GRIK3: variants seen among roughly 807,000 people sequenced by gnomAD.
GRIK3 encodes the protein glutamate receptor ionotropic, kainate 3.
Under a neutral mutation model 102.5 loss-of-function variants are expected in GRIK3, and 29 were observed. The observed-to-expected ratio is 0.28, with a 90% CI of 0.21 to 0.39. The LOEUF is 0.39. GRIK3 is among the 10% of genes least tolerant of loss of function. GRIK3 has a pLI of 1.00. For missense variants in GRIK3, 908 were observed against 1,252.4 expected (o/e 0.73, Z 4.15); for synonymous variants, 511 against 504.9 (o/e 1.01, Z -0.16).
rs142434345 is a variant in GRIK3 at position 36,961,211 on chromosome 1, A to G, written c.116-70115T>C. Among the ~76,000 whole-genome samples the G allele has an allele frequency of 6.5e-3, 994 of 152,186 alleles. 13 individuals are homozygous for G. The highest frequency in any genetic ancestry group is 0.023 in the African/African-American group (948 of 41,528). On this transcript the variant is annotated intron_variant, in intron 1 of 15. Transcript: ENST00000373091. ...TGTGCACACACCCACATCCTCACTC[A>G]GCCGCCTGCCCTCAAGCACCCACCA...
At chr1:36,966,042 C>T (rs146186532) in intron 1 of GRIK3, among the ~76,000 whole-genome samples, 1,915 of 152,306 alleles carry the variant, frequency 0.013, 17 homozygotes, top group Non-Finnish European at 0.02. Flanking sequence ...CTTCTTAGCC[C>T]CACCCGTGAC....
chr1:37,006,282 G>A (rs1176049252), intron 1 of GRIK3, among the ~76,000 whole-genome samples: 1 of 152,224 alleles, frequency 6.6e-6, no homozygotes, highest in Non-Finnish European at 1.5e-5. Flanking sequence ...CTGCCCTCCA[G>A]GCCTTAGCCC....
intron 1 of GRIK3, among the ~76,000 whole-genome samples, chr1:37,032,061 A>G (rs1048660629): frequency 3.3e-5 from 5 of 152,198 alleles, no homozygotes; most frequent in Non-Finnish European, 7.4e-5. Context: ...GCTTAATACG[A>G]AGAAGATTAG....
chr1:36,993,829 G>A (rs1380313990), intron 1 of GRIK3, among the ~76,000 whole-genome samples: 2 of 152,166 alleles, frequency 1.3e-5, no homozygotes, highest in African/African-American at 4.8e-5. Flanking sequence ...TACAGGCCTG[G>A]CCCTCTTGCC....
chr1:37,017,369 T>TAAAAAAAAAAAAAA (rs774819790), intron 1 of GRIK3, among the ~76,000 whole-genome samples: 2 of 48,522 alleles, frequency 4.1e-5, no homozygotes, highest in African/African-American at 2.0e-4. Flanking sequence ...CCCTGTCTCT[T>TAAAAAAAAAAAAAA]AAAAAAAAAA....
intron 1 of GRIK3, among the ~76,000 whole-genome samples, chr1:36,907,603 G>A (rs1641297985): frequency 6.6e-6 from 1 of 152,120 alleles, no homozygotes. Flanking sequence ...GGAGACAGAA[G>A]ACTCAGCAGA....
At chr1:37,004,444 C>T (rs937831967) in intron 1 of GRIK3, among the ~76,000 whole-genome samples, 31 of 152,186 alleles carry the variant, frequency 2.0e-4, no homozygotes, top group African/African-American at 7.2e-4. Flanking sequence ...AATTGAGCTT[C>T]GGGTTGTGGA....
At chr1:37,003,001 A>G (rs1162655570) in intron 1 of GRIK3, among the ~76,000 whole-genome samples, 1 of 145,294 alleles carries the variant, frequency 6.9e-6, no homozygotes, top group African/African-American at 2.6e-5. Context: ...TTTTAAAATA[A>G]AGGGTTAATA....
intron 1 of GRIK3, among the ~76,000 whole-genome samples, chr1:37,009,578 G>T (rs912644890): frequency 2.6e-5 from 4 of 152,214 alleles, no homozygotes; most frequent in Non-Finnish European, 4.4e-5. Flanking sequence ...TGAAACGGCA[G>T]TGTGTATGGC....
At chr1:36,869,666 G>C (rs115841223) in intron 5 of GRIK3, 82 bp downstream of exon 5, 4 of 1,066,270 alleles carry the variant, frequency 3.8e-6, no homozygotes, top group Non-Finnish European at 5.9e-6. Context: ...GTCTTCAGTG[G>C]GCTGGCCCAG....
chr1:36,890,830 T>A, intron 2 of GRIK3, 90 bp downstream of exon 2: 1 of 1,041,742 alleles, frequency 9.6e-7, no homozygotes, highest in African/African-American at 1.6e-5. Context: ...TACTTGGAGC[T>A]CTGGCCCATT....
chr1:36,810,026 C>A (rs1326091297), intron 13 of GRIK3, among the ~76,000 whole-genome samples: 1 of 152,120 alleles, frequency 6.6e-6, no homozygotes, highest in African/African-American at 2.4e-5. Context: ...TGTCTTGGGG[C>A]CCCCCTTCTC....
At chr1:36,963,055 T>TGGAAGGGGGAGGAGAAGGAAGGAC (rs1642032719) in intron 1 of GRIK3, among the ~76,000 whole-genome samples, 2 of 151,522 alleles carry the variant, frequency 1.3e-5, no homozygotes, top group African/African-American at 4.9e-5. Context: ...GAGAGGAACT[T>TGGAAGGGGGAGGAGAAGGAAGGAC]GGAAGGGGGA....
chr1:36,834,343 C>T (rs970888308), intron 10 of GRIK3, among the ~76,000 whole-genome samples: 18 of 152,028 alleles, frequency 1.2e-4, no homozygotes, highest in Non-Finnish European at 2.5e-4. Flanking sequence ...GAGCAGGGGT[C>T]GGGGGATAAC....
At chr1:36,975,450 A>T (rs561877810) in intron 1 of GRIK3, among the ~76,000 whole-genome samples, 1 of 152,062 alleles carries the variant, frequency 6.6e-6, no homozygotes, top group Non-Finnish European at 1.5e-5. Context: ...GCATGCCACC[A>T]TGCCCAGCTG....
chr1:37,015,048 G>A (rs1262760126), intron 1 of GRIK3, among the ~76,000 whole-genome samples: 1 of 151,878 alleles, frequency 6.6e-6, no homozygotes, highest in Non-Finnish European at 1.5e-5. Flanking sequence ...TCATTCAGGG[G>A]TTAAAATAGC....
rs72917596 is a variant in GRIK3, at chr1:36,940,107, C to T, written c.116-49011G>A. On this transcript the variant is annotated intron_variant, in intron 1 of 15. Transcript: ENST00000373091. ...GCAATAAGCAAGGAAAATAAAGGAG[C>T]GAGGCAATTACAGAATGTAATAATT... Among the ~76,000 whole-genome samples the T allele has an allele frequency of 8.6e-3, 1,315 of 152,276 alleles. 18 individuals carry two copies. Among genetic ancestry groups the T allele is most frequent in the South Asian group, 0.049 (236 of 4,822 alleles).
At chr1:36,916,126 C>G (rs1641397712) in intron 1 of GRIK3, among the ~76,000 whole-genome samples, 1 of 152,106 alleles carries the variant, frequency 6.6e-6, no homozygotes, top group Non-Finnish European at 1.5e-5. Context: ...GAAACTGGAG[C>G]AAAGCTGACT....
chr1:36,863,808 A>G (rs113528966), intron 5 of GRIK3, among the ~76,000 whole-genome samples: 6 of 152,248 alleles, frequency 3.9e-5, no homozygotes, highest in East Asian at 1.9e-4. Context: ...TGTCTCCCCT[A>G]TGAGCTATGG....
Sources: allele counts gnomAD v4.1 joint callset (sites outside exome capture counted in the v4.1 genomes callset), GRCh38; gene constraint gnomAD v4.1.1; transcripts MANE v1.5; gene names NCBI Gene and HGNC (gene_info 2026-07-23, HGNC 2026-07-21).